OSBPL3: variants seen among roughly 807,000 people sequenced by gnomAD.
OSBPL3 encodes the protein oxysterol-binding protein-related protein 3.
In OSBPL3, 65 loss-of-function variants were observed where a neutral mutation model predicts 120.1. The ratio of observed to expected loss-of-function variants is 0.54; its 90% CI spans 0.44 to 0.67. The LOEUF is 0.67. Ranked by LOEUF, OSBPL3 falls within the 30% of genes least tolerant of loss-of-function variation. The pLI is 0.00. For missense variants in OSBPL3, 1,004 were observed against 1,082.1 expected, an observed-to-expected ratio of 0.93 and a Z score of 1.01; for synonymous variants, 416 against 402.6, an observed-to-expected ratio of 1.03 and a Z score of -0.40.
chr7:24,927,813 C>T (rs2128460814), intron 1 of OSBPL3, among the ~76,000 whole-genome samples: 1 of 152,296 alleles, frequency 6.6e-6, no homozygotes, highest in South Asian at 2.1e-4. Flanking sequence ...TAGCTTCTCA[C>T]TACCCTATCT....
intron 19 of OSBPL3, among the ~76,000 whole-genome samples, chr7:24,810,580 A>G (rs1323705431): frequency 6.6e-6 from 1 of 152,184 alleles, no homozygotes; most frequent in African/African-American, 2.4e-5. Flanking sequence ...GCAATTTTCA[A>G]GTATACAACA....
intron 9 of OSBPL3, 66 bp from the exon 10 acceptor site, chr7:24,861,835 C>A: frequency 2.9e-6 from 3 of 1,031,516 alleles, no homozygotes; most frequent in Non-Finnish European, 4.2e-6. Flanking sequence ...TTACTTGATT[C>A]TAAGATTGAA....
intron 1 of OSBPL3, among the ~76,000 whole-genome samples, chr7:24,915,784 C>G (rs1175549660): frequency 6.6e-6 from 1 of 152,036 alleles, no homozygotes; most frequent in East Asian, 1.9e-4. Context: ...ATGATGTTGG[C>G]CAGACTGGTC....
intron 2 of OSBPL3, among the ~76,000 whole-genome samples, chr7:24,880,231 T>G (rs933262361): frequency 6.6e-6 from 1 of 152,214 alleles, no homozygotes; most frequent in Non-Finnish European, 1.5e-5. Flanking sequence ...AAGCTCCAAA[T>G]TAGTTTGTGC....
At chr7:24,895,940 G>A (rs1465927517) in intron 1 of OSBPL3, among the ~76,000 whole-genome samples, 4 of 152,082 alleles carry the variant, frequency 2.6e-5, no homozygotes, top group Non-Finnish European at 5.9e-5. Context: ...ATCATCAGCT[G>A]GATCAAAAAA....
intron 22 of OSBPL3, among the ~76,000 whole-genome samples, chr7:24,801,581 C>T (rs943347714): frequency 6.6e-6 from 1 of 152,144 alleles, no homozygotes; most frequent in African/African-American, 2.4e-5. Context: ...AGATCATTTC[C>T]GATTAGTACA....
rs1257008465 is a variant in OSBPL3, at chr7:24,802,859, T to C, written c.2567+1456A>G. On this transcript the variant is annotated intron_variant, in intron 22 of 22. Coordinates refer to ENST00000313367, the MANE Select transcript of OSBPL3 (RefSeq NM_015550.4). The surrounding 1 kb of genome is among the most constrained non-coding windows in gnomAD (Gnocchi z 4.1). Reference sequence around the variant, plus strand: ...ACTGATCAGTCTGTTAATCTATCCATTTTTCTATTTCTTGCCTTTTTCAAA... The same window carrying C: ...ACTGATCAGTCTGTTAATCTATCCACTTTTCTATTTCTTGCCTTTTTCAAA... 2.6e-5 allele frequency among the ~76,000 whole-genome samples: 4 copies of C among 152,212 alleles called. No homozygotes were observed. In the East Asian group the frequency reaches 7.7e-4, roughly 29 times the overall value.
chr7:24,910,299 T>C (rs1056725812), intron 1 of OSBPL3, among the ~76,000 whole-genome samples: 1 of 152,168 alleles, frequency 6.6e-6, no homozygotes, highest in African/African-American at 2.4e-5. Flanking sequence ...GAATCAATGT[T>C]CTGAATGGAG....
intron 14 of OSBPL3, among the ~76,000 whole-genome samples, chr7:24,838,467 G>C (rs1189029739): frequency 6.6e-6 from 1 of 152,216 alleles, no homozygotes; most frequent in Non-Finnish European, 1.5e-5. Context: ...CTGCACTCCA[G>C]CCTGGGCGAC....
At position 24,946,062 on chromosome 7, in the gene OSBPL3, A is replaced by T. The variant is rs1337429396; in HGVS notation, c.-150+33824T>A. 6.6e-6 allele frequency among the ~76,000 whole-genome samples: 1 copy of T among 152,172 alleles called. No homozygotes were observed. The highest frequency in any genetic ancestry group is 1.5e-5 in the Non-Finnish European group (1 of 68,038). ...GCTGGAGCTAGGTGGGGCTAGAGTCATCTGAAGGCTCAGCTGGGTAGGTGT... is the reference window on the plus strand; with the variant it reads ...GCTGGAGCTAGGTGGGGCTAGAGTCTTCTGAAGGCTCAGCTGGGTAGGTGT... On this transcript the variant is annotated intron_variant, in intron 1 of 22. Coordinates refer to ENST00000313367, the MANE Select transcript of OSBPL3 (RefSeq NM_015550.4). The surrounding 1 kb of genome is among the most constrained non-coding windows in gnomAD (Gnocchi z 4.3).
chr7:24,941,358 C>T (rs949262636), intron 1 of OSBPL3, among the ~76,000 whole-genome samples: 3 of 152,108 alleles, frequency 2.0e-5, no homozygotes, highest in Non-Finnish European at 2.9e-5. Flanking sequence ...TTCTTAAAGT[C>T]TCTACTCCCA....
chr7:24,850,963 G>T (rs1309923385), intron 11 of OSBPL3, among the ~76,000 whole-genome samples: 3 of 152,146 alleles, frequency 2.0e-5, no homozygotes, highest in Non-Finnish European at 4.4e-5. Context: ...CGTGAATATG[G>T]GTGAGAATGA....
Position 24,922,949 on chromosome 7 carries a change from GA to G in OSBPL3, c.-149-30329del, listed in dbSNP as rs1233772976. ...TTTGCTTACAGTTTTGGCAGTCGAA[GA>G]AAAAAAGGAAAAGAATAAGAAAAAG... On this transcript the variant is annotated intron_variant, in intron 1 of 22. Coordinates refer to ENST00000313367, the MANE Select transcript of OSBPL3 (RefSeq NM_015550.4). The surrounding 1 kb of genome is among the most constrained non-coding windows in gnomAD (Gnocchi z 4.3). 6.6e-6 allele frequency among the ~76,000 whole-genome samples: 1 copy of G among 151,560 alleles called. No homozygotes were observed. Among genetic ancestry groups the G allele is most frequent in the Non-Finnish European group, 1.5e-5 (1 of 67,882 alleles).
chr7:24,798,051 G>T lies in OSBPL3; in HGVS notation c.*2132C>A. 6.6e-6 allele frequency: 1 copy of T among 152,150 alleles called. No homozygotes were observed. The highest frequency in any genetic ancestry group is 1.9e-4 in the East Asian group (1 of 5,198). 9.4% of individuals were successfully genotyped at this position (152,150 alleles called of 1,614,324 possible). On this transcript the variant is annotated 3_prime_UTR_variant, in exon 23 of 23. Transcript: ENST00000313367. The surrounding 1 kb of genome is among the most constrained non-coding windows in gnomAD (Gnocchi z 4.6). ...CCTTTATAGATGCTAGTACTGACTA[G>T]ATTTTAAAATCTGCATATAGTTCTC... is the stretch of plus-strand genomic sequence containing the variant.
chr7:24,834,742 A>G lies in OSBPL3; in HGVS notation c.1496-6T>C. On this transcript the variant is annotated splice_polypyrimidine_tract_variant and splice_region_variant and intron_variant, in intron 14 of 22. Transcript: ENST00000313367. The surrounding 1 kb of genome is among the most constrained non-coding windows in gnomAD (Gnocchi z 5.2). ...ACCACTATCAAGGACAGGCCCTGAA[A>G]GGGAAAGAGGCCTGGTTGTCTCTAT... 6.3e-7 allele frequency: 1 copy of G among 1,592,732 alleles called. No individual in the cohort carries two copies. The highest frequency in any genetic ancestry group is 8.5e-7 in the Non-Finnish European group (1 of 1,172,228).
intron 2 of OSBPL3, among the ~76,000 whole-genome samples, chr7:24,875,873 G>T (rs751834796): frequency 5.9e-5 from 9 of 152,068 alleles, no homozygotes; most frequent in Non-Finnish European, 1.2e-4. Context: ...CATTGGTTAC[G>T]TGGACGACAG....
chr7:24,812,369 C>T (rs1316094823), intron 19 of OSBPL3, among the ~76,000 whole-genome samples: 1 of 151,300 alleles, frequency 6.6e-6, no homozygotes, highest in Non-Finnish European at 1.5e-5. Context: ...ATATATCAAG[C>T]GAGTAGTGTG....
At chr7:24,897,096 G>A (rs527569358) in intron 1 of OSBPL3, among the ~76,000 whole-genome samples, 8 of 151,602 alleles carry the variant, frequency 5.3e-5, no homozygotes, top group African/African-American at 1.9e-4. Flanking sequence ...GAGGGAGGGA[G>A]GAAGGAAGGC....
chr7:24,914,281 T>C (rs1030779186), intron 1 of OSBPL3, among the ~76,000 whole-genome samples: 3 of 151,760 alleles, frequency 2.0e-5, no homozygotes, highest in Admixed American at 6.6e-5. Flanking sequence ...AGAGCCAGTA[T>C]TGGACAGCAA....
Sources: allele counts gnomAD v4.1 joint callset (sites outside exome capture counted in the v4.1 genomes callset), GRCh38; gene constraint gnomAD v4.1.1; non-coding constraint Gnocchi (gnomAD v3.1); transcripts MANE v1.5; gene names NCBI Gene and HGNC (gene_info 2026-07-23, HGNC 2026-07-21).